The following NCF2 variants were observed in gnomAD, a reference collection of about 807,000 sequenced individuals.
The protein encoded by NCF2 is neutrophil cytosol factor 2.
Under a neutral mutation model 70.9 loss-of-function variants are expected in NCF2, and 45 were observed. That is an observed-to-expected ratio of 0.63 (90% CI 0.50 to 0.81). The LOEUF (loss-of-function observed/expected upper bound fraction) is 0.81, where lower values mean the gene tolerates loss of function less well. NCF2 is among the 40% of genes least tolerant of loss of function. The pLI is 0.00. For synonymous variants in NCF2, 203 were observed against 233.6 expected, an observed-to-expected ratio of 0.87 and a Z score of 1.19; for missense variants, 522 against 631.6, an observed-to-expected ratio of 0.83 and a Z score of 1.86.
At chr1:183,599,483 T>TTTCTTTCTTTCTTTCTTTCTTTC in the NCF2 span, among the ~76,000 whole-genome samples, 13 of 72,182 alleles carry the variant, frequency 1.8e-4, 1 homozygote, top group Admixed American at 6.1e-4. Flanking sequence ...TCTTTCTTTC[T>TTTCTTTCTTTCTTTCTTTCTTTC]CTTTTCTTTC....
intron 4 of NCF2, 143 bp downstream of exon 4, chr1:183,574,344 G>T: frequency 7.9e-7 from 1 of 1,268,672 alleles, no homozygotes; most frequent in Non-Finnish European, 1.1e-6. Context: ...AAGATCTTAA[G>T]TGGAACTATA....
chr1:183,572,963 C>G (rs576253354), intron 5 of NCF2, among the ~76,000 whole-genome samples: 1 of 152,184 alleles, frequency 6.6e-6, no homozygotes, highest in Non-Finnish European at 1.5e-5. Flanking sequence ...GGCTCTCACC[C>G]AGGGTCGAGC....
chr1:183,568,981 G>A (rs966874618), intron 7 of NCF2, among the ~76,000 whole-genome samples, 161 bp downstream of exon 7: 1 of 152,086 alleles, frequency 6.6e-6, no homozygotes, highest in Non-Finnish European at 1.5e-5. Context: ...ATTCTTCTAG[G>A]CATTCCTTTC....
chr1:183,564,226 TGAACAAACTCA>T (rs1672206907), intron 10 of NCF2, among the ~76,000 whole-genome samples, 196 bp from the exon 11 acceptor site: 1 of 152,108 alleles, frequency 6.6e-6, no homozygotes, highest in Admixed American at 6.6e-5. Context: ...CATGAACACA[TGAACAAACTCA>T]GTCTCTGCTT....
At chr1:183,599,597 G>C in the NCF2 span, among the ~76,000 whole-genome samples, 1 of 148,990 alleles carries the variant, frequency 6.7e-6, no homozygotes, top group Non-Finnish European at 1.5e-5. Flanking sequence ...TGTCACCCAG[G>C]CTGGAATGCA....
chr1:183,600,989 T>C, the NCF2 span, among the ~76,000 whole-genome samples: 1 of 152,248 alleles, frequency 6.6e-6, no homozygotes, highest in Admixed American at 6.5e-5. Flanking sequence ...TTTATCATAA[T>C]ATTTATTGTT....
Position 183,572,812 on chromosome 1 carries a change from C to T in NCF2, c.609+373G>A, listed in dbSNP as rs1031206688. Among the ~76,000 whole-genome samples the T allele has an allele frequency of 6.6e-5, 10 of 152,224 alleles. No homozygotes were observed. In the South Asian group the frequency reaches 1.0e-3, roughly 16 times the overall value. On this transcript the variant is annotated intron_variant, in intron 5 of 14. Coordinates refer to ENST00000367535, the MANE Select transcript of NCF2 (RefSeq NM_000433.4). Reference sequence around the variant, plus strand: ...CTCCTGGCCTCAAGTGATCCTCCCACTTCAGCCTTCCAAAGCACTGGGATT... The same window carrying T: ...CTCCTGGCCTCAAGTGATCCTCCCATTTCAGCCTTCCAAAGCACTGGGATT...
At chr1:183,579,619 G>C (rs566647420) in intron 2 of NCF2, among the ~76,000 whole-genome samples, 1 of 151,310 alleles carries the variant, frequency 6.6e-6, no homozygotes, top group Admixed American at 6.6e-5. Context: ...GGCGCCTGTA[G>C]TCCCAGCTAC....
chr1:183,581,054 G>T (rs1673041492), intron 2 of NCF2, among the ~76,000 whole-genome samples: 1 of 151,532 alleles, frequency 6.6e-6, no homozygotes. Context: ...TTATTCAGAG[G>T]GTTTGCTTTG....
At chr1:183,574,426 C>A in intron 4 of NCF2, 61 bp downstream of exon 4, 1 of 1,611,824 alleles carries the variant, frequency 6.2e-7, no homozygotes, top group South Asian at 1.1e-5. Flanking sequence ...ATGGCATGTC[C>A]TCTGAGACAA....
chr1:183,563,356 A>G, intron 12 of NCF2, 50 bp from the exon 13 acceptor site: 1 of 1,613,736 alleles, frequency 6.2e-7, no homozygotes, highest in South Asian at 1.1e-5. Flanking sequence ...TCATCACAAA[A>G]ACCATCCTCC....
Position 183,567,213 on chromosome 1 carries a change from G to T in NCF2, c.846C>A (p.Phe282Leu), listed in dbSNP as rs1672343825. The T allele has an allele frequency of 6.2e-7, 1 of 1,614,142 alleles. No homozygotes were observed. The highest frequency in any genetic ancestry group is 8.5e-7 in the Non-Finnish European group (1 of 1,180,042). Residue 282 changes from phenylalanine to leucine, a missense_variant, in exon 8 of 15, where the codon TTC (phenylalanine) becomes TTA (leucine). Physicochemically the swap from Phe to Leu is conservative, Grantham distance 22. Transcript: ENST00000367535. ...CTGATCCTCTGCATACCTGCCCGTT[G>T]AACATGACCGTGGCCCAGTTATCAT... is the stretch of plus-strand genomic sequence containing the variant. ...KGNDNWATVM[F>L]NGQKGLVPCN...
Position 183,556,166 on chromosome 1 carries a change from A to G in NCF2, c.1533T>C (p.Val511=). 1.9e-6 allele frequency: 3 copies of G among 1,614,194 alleles called. No homozygotes were observed. Among genetic ancestry groups the G allele is most frequent in the Non-Finnish European group, 2.5e-6 (3 of 1,180,016 alleles). Residue 511 remains valine (V), a synonymous_variant, in exon 15 of 15, where the codon GTT becomes GTC. Coordinates refer to ENST00000367535, the MANE Select transcript of NCF2 (RefSeq NM_000433.4). ...CCAAATCTGTAGTTGCGCAGTCTTC[A>G]ACAAAAACTTTGGGGAAAATGCCCA... The part of the protein sequence containing the change: ...GKVGIFPKVF[V]EDCATTDLES...
chr1:183,563,789 T>A, intron 11 of NCF2: 1 of 809,276 alleles, frequency 1.2e-6, no homozygotes, highest in Non-Finnish European at 2.0e-6. Context: ...TCCTACTGAG[T>A]AAGATCTGGC....
At chr1:183,562,650 T>C (rs1290368141) in intron 13 of NCF2, among the ~76,000 whole-genome samples, 3 of 152,064 alleles carry the variant, frequency 2.0e-5, no homozygotes, top group Non-Finnish European at 4.4e-5. Flanking sequence ...CTGGCCAAGA[T>C]GGTGAAACCC....
At chr1:183,588,424 G>A (rs1412271969) in intron 1 of NCF2, among the ~76,000 whole-genome samples, 13 of 146,882 alleles carry the variant, frequency 8.9e-5, no homozygotes, top group African/African-American at 2.3e-4. Flanking sequence ...GCAGTGAGCC[G>A]AGATTGCACC....
At chr1:183,558,257 TTTTTTGTTTTTG>T (rs566767089) in intron 14 of NCF2, among the ~76,000 whole-genome samples, 9 of 151,784 alleles carry the variant, frequency 5.9e-5, no homozygotes, top group Non-Finnish European at 1.0e-4. Context: ...TAATTTTAAT[TTTTTTGTTTTTG>T]TTTTTGTTTT....
intron 2 of NCF2, among the ~76,000 whole-genome samples, chr1:183,581,779 T>C (rs1415398625): frequency 6.6e-6 from 1 of 152,022 alleles, no homozygotes; most frequent in African/African-American, 2.4e-5. Flanking sequence ...GCCATTCTCC[T>C]GCCTCAGCCT....
the NCF2 span, among the ~76,000 whole-genome samples, chr1:183,599,151 G>A: frequency 6.6e-6 from 1 of 152,224 alleles, no homozygotes; most frequent in East Asian, 1.9e-4. Flanking sequence ...GGAGACTGAA[G>A]TGGGAGGATT....
Sources: gnomAD v4.1 joint callset for allele counts (sites outside exome capture counted in the v4.1 genomes callset) on GRCh38, gnomAD v4.1.1 for gene constraint, MANE v1.5 for transcripts, NCBI Gene and HGNC (gene_info 2026-07-23, HGNC 2026-07-21) for gene names.